PIGT: variants seen among roughly 807,000 people sequenced by gnomAD.
The protein encoded by PIGT is GPI-anchor transamidase component PIGT.
In PIGT, 57 loss-of-function variants were observed where a neutral mutation model predicts 66.7. The observed-to-expected ratio is 0.86, with a 90% CI of 0.69 to 1.07. The LOEUF (loss-of-function observed/expected upper bound fraction) is 1.07, where lower values mean the gene tolerates loss of function less well. Ranked by LOEUF, PIGT falls within the 50% of genes least tolerant of loss-of-function variation. The probability of loss-of-function intolerance (pLI) is 0.00; values close to 1 mark genes in which losing one functional copy is unlikely to be tolerated. For synonymous variants in PIGT, 362 were observed against 320.5 expected (o/e 1.13, Z -1.38); for missense variants, 725 against 740.4 (o/e 0.98, Z 0.24).
chr20:45,421,504 G>A lies in PIGT; in HGVS notation c.1155G>A (p.Leu385=), dbSNP rs1197036277. The change falls in exon 9 of 12, where the codon CTG becomes CTA. Residue 385 remains leucine (L), a synonymous_variant. Coordinates refer to ENST00000279036, the MANE Select transcript of PIGT (RefSeq NM_015937.6). ...CATACCGGGCCTTCCCGGTGCTGCT[G>A]CTGGACACCGTACCCTGGTATCTGC... The part of the protein sequence containing the change: ...THPYRAFPVL[L]LDTVPWYLRL... 1 of 1,614,066 alleles carries A rather than the reference G, an allele frequency of 6.2e-7. No individual in the cohort carries two copies. The highest frequency in any genetic ancestry group is 1.3e-5 in the African/African-American group (1 of 74,912).
chr20:45,420,792 AC>A, intron 8 of PIGT, 99 bp downstream of exon 8: 2 of 1,275,352 alleles, frequency 1.6e-6, no homozygotes, highest in Non-Finnish European at 2.3e-6. Context: ...TTGTATTTAG[AC>A]CAGATTTCCA....
intron 3 of PIGT, 26 bp from the exon 4 acceptor site, chr20:45,419,269 C>T: frequency 1.9e-6 from 3 of 1,586,278 alleles, no homozygotes; most frequent in Non-Finnish European, 2.6e-6. Flanking sequence ...CAAGGCCCAC[C>T]CCAGACAGAC....
At chr20:45,423,099 C>G (rs1383664261) in intron 9 of PIGT, 1 of 129,346 alleles carries the variant, frequency 7.7e-6, no homozygotes, top group Non-Finnish European at 1.6e-5. Context: ...GATCCTCACT[C>G]TGTCACCCAG....
intron 6 of PIGT, 23 bp from the exon 7 acceptor site, chr20:45,420,309 C>T (rs1398970285): frequency 6.2e-7 from 1 of 1,605,248 alleles, no homozygotes; most frequent in Admixed American, 1.7e-5. Flanking sequence ...GGCCCCTGCT[C>T]AGCCCTGCGC....
chr20:45,418,735 G>A (rs546248989), intron 2 of PIGT, 117 bp from the exon 3 acceptor site: 455 of 1,309,888 alleles, frequency 3.5e-4, no homozygotes, highest in Non-Finnish European at 4.0e-4. Context: ...CAACTGGCCC[G>A]TCTAATAGTT....
At chr20:45,420,776 A>G in intron 8 of PIGT, 83 bp downstream of exon 8, 5 of 1,382,300 alleles carry the variant, frequency 3.6e-6, no homozygotes, top group Non-Finnish European at 5.1e-6. Context: ...CCGTTAGATG[A>G]TTGGGTTGTA....
rs1041253209 is a variant in PIGT, at chr20:45,420,177, C to G, written c.723C>G (p.Thr241=). ...CTSISWELRQ[T]LSVVFDAFIT... ...GCATCTCCTGGGAGCTGAGGCAGACCCTGTCAGTTGTATTTGATGCCTTCA... is the reference window on the plus strand; with the variant it reads ...GCATCTCCTGGGAGCTGAGGCAGACGCTGTCAGTTGTATTTGATGCCTTCA... The change falls in exon 6 of 12, where the codon ACC becomes ACG. Residue 241 remains threonine (T), a synonymous_variant. Coordinates refer to ENST00000279036, the MANE Select transcript of PIGT (RefSeq NM_015937.6). The G allele has an allele frequency of 1.9e-6, 3 of 1,612,612 alleles. No individual in the cohort carries two copies. In the African/African-American group the frequency reaches 4.0e-5, roughly 22 times the overall value.
chr20:45,416,837 A>G (rs2741579), intron 2 of PIGT, 143 bp downstream of exon 2: 1 of 691,018 alleles, frequency 1.4e-6, no homozygotes, highest in Non-Finnish European at 2.3e-6. Context: ...GAAGTAAGAA[A>G]TGTTACCACA....
At chr20:45,423,037 C>G (rs78605935) in intron 9 of PIGT, 1 of 149,690 alleles carries the variant, frequency 6.7e-6, no homozygotes, top group Admixed American at 6.7e-5. Flanking sequence ...TGAGGCTCCC[C>G]CTACCTATAC....
In PIGT at chr20:45,418,941, C is replaced by T. The variant is rs777099253; in HGVS notation, c.455C>T (p.Thr152Ile). The T allele has an allele frequency of 8.7e-6, 14 of 1,614,146 alleles. No individual in the cohort carries two copies. Among genetic ancestry groups the T allele is most frequent in the Non-Finnish European group, 1.2e-5 (14 of 1,179,990 alleles). The stretch of plus-strand genomic sequence containing the variant: ...TTCATCGACTCCACCAACACAGTCA[C>T]TCCCACTGCCTCCTTCAAACCCCTG... Reference protein sequence around the residue: ...LNFIDSTNTVTPTASFKPLGL... With the variant: ...LNFIDSTNTVIPTASFKPLGL... Residue 152 changes from threonine (T) to isoleucine (I), a missense_variant, in exon 3 of 12, where the codon ACT becomes ATT. This residue lies in a region of PIGT where 559 missense variants were observed against 552.7 expected (regional missense o/e 1.01). Coordinates refer to ENST00000279036, the MANE Select transcript of PIGT (RefSeq NM_015937.6).
intron 2 of PIGT, 101 bp downstream of exon 2, chr20:45,416,795 G>T (rs1031348754): frequency 4.7e-6 from 5 of 1,066,898 alleles, no homozygotes; most frequent in Non-Finnish European, 6.5e-6. Flanking sequence ...CTTCCAGTAG[G>T]CAGCGATTCC....
chr20:45,425,724 TCTC>T lies in PIGT; in HGVS notation c.1639_1641del (p.Leu547del). On this transcript the variant is annotated inframe_deletion, in exon 12 of 12. Transcript: ENST00000279036. ...CCGTGTGCTATGGCTCCTTCTACAATCTCCTCACCCGAACCTTCCACATCGAGG... is the reference window on the plus strand; with the variant it reads ...CCGTGTGCTATGGCTCCTTCTACAATCTCACCCGAACCTTCCACATCGAGG... 1 of 1,614,056 alleles carries T rather than the reference TCTC, an allele frequency of 6.2e-7. No individual in the cohort carries two copies. Among genetic ancestry groups the T allele is most frequent in the Non-Finnish European group, 8.5e-7 (1 of 1,179,972 alleles).
chr20:45,416,695 G>T lies in PIGT; in HGVS notation c.365+1G>T. On this transcript the variant is annotated splice_donor_variant, in intron 2 of 11. Coordinates refer to ENST00000279036, the MANE Select transcript of PIGT (RefSeq NM_015937.6). LOFTEE classifies it high-confidence loss of function. ...TCTGGTTCCAAGACACTGTCACTGA[G>T]TGAGTGCACACCTTGGGCCCTGTTG... is the stretch of plus-strand genomic sequence containing the variant. The T allele has an allele frequency of 1.2e-6, 2 of 1,611,638 alleles. No homozygotes were observed. Among genetic ancestry groups the T allele is most frequent in the South Asian group, 2.2e-5 (2 of 90,850 alleles).
At position 45,419,564 on chromosome 20, in the gene PIGT, G is replaced by A. The variant is rs1398379644; in HGVS notation, c.655G>A (p.Ala219Thr). The A allele has an allele frequency of 6.2e-7, 1 of 1,613,898 alleles. No homozygotes were observed. Among genetic ancestry groups the A allele is most frequent in the Non-Finnish European group, 8.5e-7 (1 of 1,179,774 alleles). Reference sequence around the variant, plus strand: ...GTTCCACACCAGCTACCACTCCCAGGCAGTGCATATCCGCCCTGTTTGCAG... The same window carrying A: ...GTTCCACACCAGCTACCACTCCCAGACAGTGCATATCCGCCCTGTTTGCAG... ...RLFHTSYHSQ[A>T]VHIRPVCRNA... The change falls in exon 5 of 12, where the codon GCA becomes ACA. Residue 219 changes from alanine to threonine, a missense_variant. Coordinates refer to ENST00000279036, the MANE Select transcript of PIGT (RefSeq NM_015937.6).
chr20:45,421,270 G>C (rs1990344592), intron 8 of PIGT, 113 bp from the exon 9 acceptor site: 4 of 753,438 alleles, frequency 5.3e-6, no homozygotes, highest in South Asian at 3.8e-5. Context: ...TCAGTGGCAG[G>C]GCTGTTCCCC....
At chr20:45,416,388 G>A in intron 1 of PIGT, 45 bp downstream of exon 1, 1 of 1,553,044 alleles carries the variant, frequency 6.4e-7, no homozygotes, top group Non-Finnish European at 8.7e-7. Context: ...CGTAGTGCCT[G>A]CTGGCTGGCC....
chr20:45,417,852 CA>C (rs2145438312), intron 2 of PIGT: 1 of 152,274 alleles, frequency 6.6e-6, no homozygotes, highest in East Asian at 1.9e-4. Context: ...ATAGAATTAT[CA>C]AAAGCTCCTG....
At chr20:45,418,136 G>T (rs1320759543) in intron 2 of PIGT, 3 of 152,752 alleles carry the variant, frequency 2.0e-5, no homozygotes, top group African/African-American at 7.2e-5. Flanking sequence ...TGAAATCCTA[G>T]AACAGTTGTT....
rs752951138 is a variant in PIGT at position 45,416,156 on chromosome 20, C to T, written c.-1C>T. On this transcript the variant is annotated 5_prime_UTR_variant, in exon 1 of 12. Coordinates refer to ENST00000279036, the MANE Select transcript of PIGT (RefSeq NM_015937.6). The stretch of plus-strand genomic sequence containing the variant: ...CTGGGTAGGCGGAAGTAGCCGCAGG[C>T]ATGGCGGCGGCTATGCCGCTTGCTC... 6.4e-6 allele frequency: 10 copies of T among 1,556,832 alleles called. No homozygotes were observed. The Admixed American group carries it at 1.9e-4, about 30-fold the overall frequency.
Sources: allele counts gnomAD v4.1 joint callset, GRCh38; gene constraint gnomAD v4.1.1; regional missense constraint gnomAD v4.1.1; transcripts MANE v1.5; gene names NCBI Gene and HGNC (gene_info 2026-07-23, HGNC 2026-07-21).